The following ARID1B variants were observed in gnomAD, a reference collection of about 807,000 sequenced individuals.
The protein encoded by ARID1B is AT-rich interactive domain-containing protein 1B.
In ARID1B, 30 loss-of-function variants were observed where a neutral mutation model predicts 212.3. The ratio of observed to expected loss-of-function variants is 0.14; its 90% CI spans 0.11 to 0.19. ARID1B has a LOEUF of 0.19. Among genes scored for constraint, ARID1B ranks in the 10% least tolerant of loss-of-function variants. The pLI is 1.00. For missense variants in ARID1B, 2,891 were observed against 3,204.0 expected, an observed-to-expected ratio of 0.90 and a Z score of 2.36; for synonymous variants, 1,402 against 1,301.7, an observed-to-expected ratio of 1.08 and a Z score of -1.66.
chr6:156,800,887 C>T (rs753851038), intron 1 of ARID1B, among the ~76,000 whole-genome samples: 2 of 151,938 alleles, frequency 1.3e-5, no homozygotes, highest in African/African-American at 2.4e-5. Context: ...AGAGAAAGAC[C>T]GTGTCTCTTA....
At chr6:156,820,518 A>G (rs575778464) in intron 1 of ARID1B, among the ~76,000 whole-genome samples, 10 of 152,322 alleles carry the variant, frequency 6.6e-5, no homozygotes, top group Admixed American at 2.6e-4. Context: ...CAATTTGCTA[A>G]TTTGTTAAGA....
intron 4 of ARID1B, among the ~76,000 whole-genome samples, chr6:156,953,134 A>T (rs1278589785): frequency 3.9e-5 from 6 of 152,154 alleles, no homozygotes; most frequent in Non-Finnish European, 8.8e-5. Flanking sequence ...AAATTGGCAA[A>T]TTGTTTTTCA....
chr6:156,788,685 C>T (rs1289266035), intron 1 of ARID1B, among the ~76,000 whole-genome samples: 2 of 152,088 alleles, frequency 1.3e-5, no homozygotes, highest in Admixed American at 6.6e-5. Context: ...TAGACTTGAT[C>T]CTTAGCAAAA....
Position 157,110,528 on chromosome 6 carries a change from G to T in ARID1B, c.2548G>T (p.Ala850Ser). The T allele has an allele frequency of 1.2e-6, 2 of 1,614,022 alleles. No homozygotes were observed. Among genetic ancestry groups the T allele is most frequent in the Non-Finnish European group, 1.7e-6 (2 of 1,179,998 alleles). ...GSQSESSSHP[A>S]LSQSPMPQER... ...CCAGTCAGAATCCAGTTCCCATCCC[G>T]CCTTGAGCCAGTCACCAATGCCACA... Residue 850 changes from alanine (A) to serine (S), a missense_variant, in exon 6 of 20, where the codon GCC (alanine) becomes TCC (serine). Physicochemically the swap from Ala to Ser is moderately conservative, Grantham distance 99 (BLOSUM62 1). This residue lies in a region of ARID1B where 1,643 missense variants were observed against 1,544.0 expected (regional missense o/e 1.06). Coordinates refer to ENST00000636930, the MANE Select transcript of ARID1B (RefSeq NM_001374828.1).
intron 2 of ARID1B, among the ~76,000 whole-genome samples, chr6:156,850,558 G>A (rs1466941479): frequency 6.6e-6 from 1 of 152,210 alleles, no homozygotes; most frequent in Non-Finnish European, 1.5e-5. Flanking sequence ...TGAACGCATA[G>A]TAATTTTTAA....
intron 2 of ARID1B, among the ~76,000 whole-genome samples, chr6:156,889,571 A>C (rs1040367722): frequency 1.3e-5 from 2 of 152,240 alleles, no homozygotes; most frequent in African/African-American, 4.8e-5. Flanking sequence ...AGGTGAAAAC[A>C]TCTGTAGTTC....
chr6:156,805,677 G>A lies in ARID1B; in HGVS notation c.1792-23550G>A, dbSNP rs952147540. 6.6e-5 allele frequency among the ~76,000 whole-genome samples: 10 copies of A among 151,966 alleles called. 1 individual carries two copies. The highest frequency in any genetic ancestry group is 1.5e-4 in the Non-Finnish European group (10 of 67,976). On this transcript the variant is annotated intron_variant, in intron 1 of 19. Transcript: ENST00000636930. ...TAGGAAAAAGAATTACATATACTTT[G>A]CAACTTTTTAATTATTTATTTAATT...
intron 4 of ARID1B, among the ~76,000 whole-genome samples, chr6:157,035,186 A>G (rs939358067): frequency 2.6e-5 from 4 of 152,248 alleles, no homozygotes; most frequent in African/African-American, 9.6e-5. Flanking sequence ...TTGACTTTTT[A>G]TAATATGATA....
chr6:156,928,072 G>A (rs556286484), intron 3 of ARID1B, among the ~76,000 whole-genome samples: 1 of 152,306 alleles, frequency 6.6e-6, no homozygotes, highest in African/African-American at 2.4e-5. Context: ...AGGAGCAGTG[G>A]CCGCATGGCC....
At chr6:157,109,052 A>G (rs1044550803) in intron 5 of ARID1B, among the ~76,000 whole-genome samples, 1 of 152,190 alleles carries the variant, frequency 6.6e-6, no homozygotes, top group African/African-American at 2.4e-5. Flanking sequence ...TAAACTGAAA[A>G]TCATATTCCT....
intron 4 of ARID1B, among the ~76,000 whole-genome samples, chr6:156,984,270 T>A (rs1777791736): frequency 6.6e-6 from 1 of 152,216 alleles, no homozygotes; most frequent in African/African-American, 2.4e-5. Flanking sequence ...ATTAGTTTAA[T>A]AATCATTGGA....
intron 4 of ARID1B, among the ~76,000 whole-genome samples, chr6:157,028,778 T>C (rs1780829380): frequency 6.6e-6 from 1 of 152,238 alleles, no homozygotes; most frequent in Non-Finnish European, 1.5e-5. Flanking sequence ...ACATAAGCCT[T>C]CTGAGTGCCG....
intron 4 of ARID1B, among the ~76,000 whole-genome samples, chr6:156,986,962 T>C (rs1777958406): frequency 6.6e-6 from 1 of 152,154 alleles, no homozygotes; most frequent in African/African-American, 2.4e-5. Context: ...GCAGATCGCT[T>C]AAGCCCAGGA....
intron 2 of ARID1B, among the ~76,000 whole-genome samples, chr6:156,866,424 G>A (rs1341898686): frequency 6.6e-6 from 1 of 152,102 alleles, no homozygotes; most frequent in Non-Finnish European, 1.5e-5. Context: ...GCTGGGTGTC[G>A]GACTTAACCT....
intron 2 of ARID1B, among the ~76,000 whole-genome samples, chr6:156,889,031 A>T (rs967324089): frequency 3.9e-5 from 6 of 152,136 alleles, no homozygotes; most frequent in Non-Finnish European, 7.4e-5. Flanking sequence ...TTATTATATC[A>T]ATAAGGCACA....
At chr6:156,827,376 C>T (rs1005738378) in intron 1 of ARID1B, among the ~76,000 whole-genome samples, 4 of 152,354 alleles carry the variant, frequency 2.6e-5, no homozygotes, top group East Asian at 1.9e-4. Context: ...TCCCTTCTAA[C>T]TGTGCCTTGG....
At chr6:156,962,167 C>G (rs912910849) in intron 4 of ARID1B, among the ~76,000 whole-genome samples, 7 of 151,856 alleles carry the variant, frequency 4.6e-5, no homozygotes, top group Admixed American at 2.6e-4. Flanking sequence ...GGCGTGGTGG[C>G]GGGCGCCTGC....
At chr6:157,081,154 A>G (rs761483230) in intron 4 of ARID1B, among the ~76,000 whole-genome samples, 13 of 152,320 alleles carry the variant, frequency 8.5e-5, no homozygotes, top group Non-Finnish European at 1.9e-4. Flanking sequence ...GCCTGCAATT[A>G]CCTCACCTGC....
chr6:156,870,683 G>T (rs1786055321), intron 2 of ARID1B, among the ~76,000 whole-genome samples: 1 of 149,638 alleles, frequency 6.7e-6, no homozygotes, highest in Admixed American at 6.6e-5. Flanking sequence ...TGGATTTCCT[G>T]TGAAAATAGA....
Sources: allele counts gnomAD v4.1 joint callset (sites outside exome capture counted in the v4.1 genomes callset), GRCh38; gene constraint gnomAD v4.1.1; regional missense constraint gnomAD v4.1.1; transcripts MANE v1.5; gene names NCBI Gene and HGNC (gene_info 2026-07-23, HGNC 2026-07-21).